The following SOX6 variants were observed in gnomAD, a reference collection of about 807,000 sequenced individuals.
SOX6 encodes SRY-box transcription factor 6, also known as transcription factor SOX-6.
A neutral mutation model predicts 97.8 loss-of-function variants in SOX6; 11 were observed. The ratio of observed to expected loss-of-function variants is 0.11; its 90% CI spans 0.07 to 0.19. The LOEUF (loss-of-function observed/expected upper bound fraction) is 0.19, where lower values mean the gene tolerates loss of function less well. SOX6 is among the 10% of genes least tolerant of loss of function. The probability of loss-of-function intolerance (pLI) is 1.00; values close to 1 mark genes in which losing one functional copy is unlikely to be tolerated. For missense variants in SOX6, 810 were observed against 1,039.5 expected (o/e 0.78, Z 3.04); for synonymous variants, 360 against 371.4 (o/e 0.97, Z 0.35).
intron 2 of SOX6, among the ~76,000 whole-genome samples, chr11:16,325,851 T>A (rs1247765751): frequency 1.3e-5 from 2 of 152,134 alleles, no homozygotes; most frequent in African/African-American, 4.8e-5. Flanking sequence ...AGCAACCTTA[T>A]AAAAGTGCTG....
At chr11:16,321,477 G>A (rs927556851) in intron 2 of SOX6, among the ~76,000 whole-genome samples, 2 of 151,440 alleles carry the variant, frequency 1.3e-5, no homozygotes, top group African/African-American at 2.4e-5. Context: ...GCTCCAAAGA[G>A]TACCATTTTT....
chr11:16,518,591 T>C (rs956881907), intron 4 of SOX6, among the ~76,000 whole-genome samples: 2 of 152,208 alleles, frequency 1.3e-5, no homozygotes, highest in African/African-American at 4.8e-5. Flanking sequence ...CAGAGCTCTG[T>C]AATATGTCTA....
intron 4 of SOX6, among the ~76,000 whole-genome samples, chr11:16,522,280 T>G (rs1486093048): frequency 6.6e-6 from 1 of 152,126 alleles, no homozygotes; most frequent in African/African-American, 2.4e-5. Context: ...ACAGCGGATC[T>G]CTTGGCAGGA....
intron 3 of SOX6, among the ~76,000 whole-genome samples, chr11:16,268,870 A>C (rs986924578): frequency 2.0e-5 from 3 of 150,650 alleles, no homozygotes; most frequent in Non-Finnish European, 3.0e-5. Context: ...ATTTTCTCTC[A>C]ATTTGTAGGT....
chr11:16,306,232 G>A (rs948992082), intron 3 of SOX6, among the ~76,000 whole-genome samples: 5 of 152,076 alleles, frequency 3.3e-5, no homozygotes, highest in Non-Finnish European at 7.4e-5. Context: ...CGGGCAAAAG[G>A]TACATAGAAT....
At chr11:16,404,768 T>C (rs1340199746) in intron 1 of SOX6, among the ~76,000 whole-genome samples, 3 of 152,044 alleles carry the variant, frequency 2.0e-5, no homozygotes, top group Non-Finnish European at 2.9e-5. Context: ...TAGAATTTCA[T>C]TGGTAAATCC....
At chr11:16,202,347 T>A (rs1851964120) in intron 4 of SOX6, among the ~76,000 whole-genome samples, 1 of 152,236 alleles carries the variant, frequency 6.6e-6, no homozygotes, top group African/African-American at 2.4e-5. Flanking sequence ...CTGTGTAGCA[T>A]AAAAATCGTA....
chr11:16,521,925 G>C (rs1196231330), intron 4 of SOX6, among the ~76,000 whole-genome samples: 1 of 152,032 alleles, frequency 6.6e-6, no homozygotes, highest in Non-Finnish European at 1.5e-5. Context: ...GAGAAGTTTA[G>C]AGAAAAAAAG....
At chr11:16,213,097 T>A (rs1349312241) in intron 4 of SOX6, among the ~76,000 whole-genome samples, 2 of 152,118 alleles carry the variant, frequency 1.3e-5, no homozygotes, top group Non-Finnish European at 2.9e-5. Context: ...GTTAATTTGA[T>A]TCCTGGACCT....
intron 3 of SOX6, among the ~76,000 whole-genome samples, chr11:16,677,740 A>C (rs947842372): frequency 7.2e-5 from 11 of 152,116 alleles, no homozygotes; most frequent in Non-Finnish European, 1.3e-4. Context: ...ATCTACCCCC[A>C]TCATAAATTT....
intron 1 of SOX6, among the ~76,000 whole-genome samples, chr11:16,418,653 G>A (rs1858970587): frequency 6.6e-6 from 1 of 151,796 alleles, no homozygotes; most frequent in Non-Finnish European, 1.5e-5. Flanking sequence ...ATTACTGTGG[G>A]AAAAAACAGT....
intron 6 of SOX6, among the ~76,000 whole-genome samples, chr11:16,166,496 A>G (rs1477330455): frequency 6.6e-6 from 1 of 152,236 alleles, no homozygotes; most frequent in Middle Eastern, 3.2e-3. Flanking sequence ...CAATTCAACA[A>G]CATCTCCCAT....
chr11:16,015,089 A>G, intron 12 of SOX6, 39 bp from the exon 13 acceptor site: 1 of 1,563,324 alleles, frequency 6.4e-7, no homozygotes, highest in Non-Finnish European at 8.8e-7. Context: ...TCTAGTTTCC[A>G]AAACAGCCAC....
intron 15 of SOX6, among the ~76,000 whole-genome samples, chr11:15,974,985 G>C (rs1300841542): frequency 6.6e-6 from 1 of 152,034 alleles, no homozygotes; most frequent in Non-Finnish European, 1.5e-5. Context: ...TGGCTGACTT[G>C]AATCCCATCA....
At chr11:16,245,044 T>C (rs1853298215) in intron 3 of SOX6, among the ~76,000 whole-genome samples, 1 of 151,864 alleles carries the variant, frequency 6.6e-6, no homozygotes, top group Non-Finnish European at 1.5e-5. Context: ...AGGCAATTTT[T>C]AAGACTATAT....
At chr11:16,411,458 A>T (rs1414007682) in intron 1 of SOX6, among the ~76,000 whole-genome samples, 1 of 152,168 alleles carries the variant, frequency 6.6e-6, no homozygotes, top group Non-Finnish European at 1.5e-5. Context: ...TTGGCACTTA[A>T]GGTTTGCCAG....
intron 9 of SOX6, among the ~76,000 whole-genome samples, chr11:16,060,191 T>G (rs1227341070): frequency 1.3e-5 from 2 of 151,966 alleles, no homozygotes; most frequent in Non-Finnish European, 2.9e-5. Context: ...TGACTATGAA[T>G]CCTTCAAATT....
chr11:16,301,922 G>A (rs909270141), intron 3 of SOX6, among the ~76,000 whole-genome samples: 3 of 151,998 alleles, frequency 2.0e-5, no homozygotes, highest in Non-Finnish European at 2.9e-5. Flanking sequence ...ATATCTAAAT[G>A]CAAACCTTTT....
intron 3 of SOX6, among the ~76,000 whole-genome samples, chr11:16,235,732 AT>A (rs1030840878): frequency 3.3e-5 from 5 of 151,812 alleles, no homozygotes; most frequent in African/African-American, 1.2e-4. Context: ...TTCATTTTTT[AT>A]TTTCTCCAGC....
Sources: allele counts gnomAD v4.1 joint callset (sites outside exome capture counted in the v4.1 genomes callset), GRCh38; gene constraint gnomAD v4.1.1; transcripts MANE v1.5; gene names NCBI Gene and HGNC (gene_info 2026-07-23, HGNC 2026-07-21).